The following MAGI2 variants were observed in gnomAD, a reference collection of about 807,000 sequenced individuals.
The protein encoded by MAGI2 is membrane associated guanylate kinase, WW and PDZ domain containing 2.
MAGI2 carries 35 observed loss-of-function variants against 133.3 expected under a neutral mutation model. The ratio of observed to expected loss-of-function variants is 0.26; its 90% confidence interval spans 0.20 to 0.35. The LOEUF (loss-of-function observed/expected upper bound fraction) is 0.35. MAGI2 is among the 10% of genes least tolerant of loss of function. The pLI, the probability that MAGI2 is intolerant of heterozygous loss-of-function variation, is 1.00. For synonymous variants in MAGI2, 729 were observed against 710.6 expected (o/e 1.03, Z -0.41); for missense variants, 1,636 against 1,863.4 (o/e 0.88, Z 2.25).
At chr7:78,908,292 C>A (rs746819188) in intron 2 of MAGI2, among the ~76,000 whole-genome samples, 1 of 152,182 alleles carries the variant, frequency 6.6e-6, no homozygotes, top group African/African-American at 2.4e-5. Flanking sequence ...AGAACTATGA[C>A]ACCAAAGTCT....
At chr7:78,728,460 A>G (rs1000724215) in intron 2 of MAGI2, among the ~76,000 whole-genome samples, 3 of 151,514 alleles carry the variant, frequency 2.0e-5, no homozygotes, top group African/African-American at 7.3e-5. Flanking sequence ...GATGAGATAG[A>G]GCCATCAAAC....
intron 2 of MAGI2, among the ~76,000 whole-genome samples, chr7:78,759,698 A>G (rs1824294750): frequency 1.3e-5 from 2 of 152,384 alleles, no homozygotes; most frequent in Middle Eastern, 3.4e-3. Flanking sequence ...ATTTTATTTC[A>G]TATTGCTATA....
intron 2 of MAGI2, among the ~76,000 whole-genome samples, chr7:78,705,625 A>C (rs10253331): frequency 6.6e-6 from 1 of 152,074 alleles, no homozygotes; most frequent in Non-Finnish European, 1.5e-5. Flanking sequence ...GACTGTGAAG[A>C]AGCTGATTCT....
chr7:78,633,461 T>C (rs1370300383), intron 2 of MAGI2, among the ~76,000 whole-genome samples: 1 of 152,026 alleles, frequency 6.6e-6, no homozygotes, highest in Non-Finnish European at 1.5e-5. Flanking sequence ...ATCCCAGCAC[T>C]TTGGGAGGCC....
At chr7:78,323,161 T>A (rs1184560767) in intron 9 of MAGI2, among the ~76,000 whole-genome samples, 1 of 152,156 alleles carries the variant, frequency 6.6e-6, no homozygotes, top group African/African-American at 2.4e-5. Context: ...TACTGTACTA[T>A]GATCCCAGAG....
chr7:78,996,266 T>C (rs951477218), intron 2 of MAGI2, among the ~76,000 whole-genome samples: 6 of 152,164 alleles, frequency 3.9e-5, no homozygotes, highest in African/African-American at 1.4e-4. Context: ...AGGTAATGTG[T>C]GTTGTAAGAT....
intron 11 of MAGI2, among the ~76,000 whole-genome samples, chr7:78,198,958 A>G (rs759937074): frequency 1.3e-5 from 2 of 152,238 alleles, no homozygotes; most frequent in Non-Finnish European, 2.9e-5. Context: ...ATGGAATAGC[A>G]TAAGATGTGA....
intron 9 of MAGI2, among the ~76,000 whole-genome samples, chr7:78,291,165 C>G (rs1268396122): frequency 6.6e-6 from 1 of 152,064 alleles, no homozygotes; most frequent in Admixed American, 6.6e-5. Context: ...AAAAGATCAA[C>G]AAAACTGATA....
intron 9 of MAGI2, among the ~76,000 whole-genome samples, chr7:78,340,206 G>T (rs1283851047): frequency 6.6e-6 from 1 of 152,046 alleles, no homozygotes; most frequent in African/African-American, 2.4e-5. Context: ...ATGACAATGG[G>T]GATAGAGTAT....
chr7:79,139,826 A>G (rs1157891717), intron 1 of MAGI2: 5 of 152,264 alleles, frequency 3.3e-5, no homozygotes. Flanking sequence ...CCTAATGGTT[A>G]ATCTCAATGA....
chr7:78,209,684 C>T (rs942390356), intron 10 of MAGI2, among the ~76,000 whole-genome samples: 12 of 152,192 alleles, frequency 7.9e-5, no homozygotes, highest in South Asian at 2.1e-4. Flanking sequence ...TTGTAATTCA[C>T]GCCCTATTTT....
intron 1 of MAGI2, among the ~76,000 whole-genome samples, chr7:79,178,896 T>C (rs1351202347): frequency 6.6e-6 from 1 of 152,030 alleles, no homozygotes; most frequent in Non-Finnish European, 1.5e-5. Context: ...TAAATCATTG[T>C]CTTTTTTATT....
intron 2 of MAGI2, among the ~76,000 whole-genome samples, chr7:78,637,388 G>C (rs1809784213): frequency 6.6e-6 from 1 of 151,718 alleles, no homozygotes; most frequent in East Asian, 1.9e-4. Flanking sequence ...AAAGACTTAG[G>C]AGCTTGACTA....
At chr7:79,303,204 G>A (rs965584266) in intron 1 of MAGI2, among the ~76,000 whole-genome samples, 3 of 152,066 alleles carry the variant, frequency 2.0e-5, no homozygotes, top group East Asian at 1.9e-4. Flanking sequence ...GGGGTACGAT[G>A]TACACTATTC....
intron 2 of MAGI2, among the ~76,000 whole-genome samples, chr7:78,648,988 T>C (rs919146381): frequency 7.9e-5 from 12 of 151,990 alleles, no homozygotes; most frequent in Non-Finnish European, 1.6e-4. Context: ...CTGAAGCCCA[T>C]ACCCTTAGCC....
intron 1 of MAGI2, among the ~76,000 whole-genome samples, chr7:79,149,096 G>A (rs1367803058): frequency 7.1e-6 from 1 of 141,206 alleles, no homozygotes; most frequent in Non-Finnish European, 1.5e-5. Flanking sequence ...ATTTTTATAT[G>A]TAATATAATA....
intron 13 of MAGI2, among the ~76,000 whole-genome samples, 168 bp from the exon 14 acceptor site, chr7:78,178,270 G>A (rs575724807): frequency 6.6e-6 from 1 of 152,158 alleles, no homozygotes; most frequent in Non-Finnish European, 1.5e-5. Context: ...AAAAAAGTAG[G>A]TGTTCCAAAT....
At chr7:79,274,969 C>T (rs114502195) in intron 1 of MAGI2, among the ~76,000 whole-genome samples, 3,791 of 152,240 alleles carry the variant, frequency 0.025, 48 homozygotes, top group Middle Eastern at 0.031. Context: ...AGTGTTCTAA[C>T]TGCTCCACTG....
chr7:79,159,501 G>C (rs1824146808), intron 1 of MAGI2, among the ~76,000 whole-genome samples: 1 of 130,338 alleles, frequency 7.7e-6, no homozygotes, highest in African/African-American at 2.9e-5. Flanking sequence ...CTGCATGACA[G>C]AGTGAGACTC....
Sources: allele counts gnomAD v4.1 joint callset (sites outside exome capture counted in the v4.1 genomes callset), GRCh38; gene constraint gnomAD v4.1.1; transcripts MANE v1.5; gene names NCBI Gene and HGNC (gene_info 2026-07-23, HGNC 2026-07-21).